The following ASB3 variants were observed in gnomAD, a reference collection of about 807,000 sequenced individuals.
ASB3 encodes the protein ankyrin repeat and SOCS box containing 3, also known as ankyrin repeat and SOCS box protein 3.
Under a neutral mutation model 54.5 loss-of-function variants are expected in ASB3, and 41 were observed. The observed-to-expected ratio is 0.75, with a 90% confidence interval of 0.59 to 0.98. The LOEUF (loss-of-function observed/expected upper bound fraction) is 0.98, where lower values mean the gene tolerates loss of function less well. Among genes scored for constraint, ASB3 ranks in the 50% least tolerant of loss-of-function variants. The pLI is 0.00. For synonymous variants in ASB3, 266 were observed against 221.2 expected (o/e 1.20, Z -1.80); for missense variants, 733 against 620.0 (o/e 1.18, Z -1.94).
At chr2:53,769,714 C>A (rs769660916) in intron 1 of ASB3, among the ~76,000 whole-genome samples, 1 of 152,156 alleles carries the variant, frequency 6.6e-6, no homozygotes, top group African/African-American at 2.4e-5. Flanking sequence ...GGCGTGGTGG[C>A]GCACGCCAGT....
chr2:53,678,156 T>C (rs1668183021), intron 9 of ASB3, among the ~76,000 whole-genome samples: 1 of 152,044 alleles, frequency 6.6e-6, no homozygotes, highest in African/African-American at 2.4e-5. Context: ...TGTGTGTGTG[T>C]GTGCATGTGT....
At chr2:53,735,418 A>C (rs1282856303) in intron 3 of ASB3, among the ~76,000 whole-genome samples, 1 of 152,064 alleles carries the variant, frequency 6.6e-6, no homozygotes, top group African/African-American at 2.4e-5. Context: ...TGGAGGCATA[A>C]ATTTAATAAA....
chr2:53,700,636 T>A, intron 7 of ASB3, 108 bp from the exon 8 acceptor site: 1 of 1,413,530 alleles, frequency 7.1e-7, no homozygotes, highest in South Asian at 1.5e-5. Context: ...GTATGGCAGA[T>A]TAAATAGTGG....
At chr2:53,737,546 T>C (rs988761501) in intron 3 of ASB3, among the ~76,000 whole-genome samples, 2 of 151,938 alleles carry the variant, frequency 1.3e-5, no homozygotes, top group Non-Finnish European at 2.9e-5. Context: ...ACAGAAATAA[T>C]TAGAAGTCAA....
At chr2:53,698,180 A>C (rs1472625982) in intron 8 of ASB3, among the ~76,000 whole-genome samples, 1 of 152,164 alleles carries the variant, frequency 6.6e-6, no homozygotes, top group African/African-American at 2.4e-5. Context: ...ACATGCCTAC[A>C]GAATTAGTAC....
At chr2:53,704,535 A>AAC (rs1669666846) in intron 7 of ASB3, among the ~76,000 whole-genome samples, 1 of 152,132 alleles carries the variant, frequency 6.6e-6, no homozygotes, top group Non-Finnish European at 1.5e-5. Flanking sequence ...AATAACCAAA[A>AAC]ACATATTTTT....
At chr2:53,756,618 A>C (rs1256408765) in intron 2 of ASB3, among the ~76,000 whole-genome samples, 1 of 152,014 alleles carries the variant, frequency 6.6e-6, no homozygotes, top group African/African-American at 2.4e-5. Context: ...TCCTTCAAGG[A>C]CCTAAAAGAA....
Position 53,750,938 on chromosome 2 carries a change from G to GA in ASB3, c.199dup (p.Ser67PhefsTer3), listed in dbSNP as rs768434575. 20 of 1,540,556 alleles carry GA rather than the reference G, an allele frequency of 1.3e-5. No individual in the cohort carries two copies. Among genetic ancestry groups the GA allele is most frequent in the Non-Finnish European group, 1.7e-5 (20 of 1,145,132 alleles). ...CTTCATCTTAATGTAGTTTTCAGATGAATCTGTGGAAGAATCAAAGCCCAT... is the reference window on the plus strand; with the variant it reads ...CTTCATCTTAATGTAGTTTTCAGATGAAATCTGTGGAAGAATCAAAGCCCAT... On this transcript the variant is annotated frameshift_variant, in exon 3 of 10. Transcript: ENST00000263634. LOFTEE classifies it high-confidence loss of function.
At chr2:53,782,585 T>C (rs540396959) in intron 1 of ASB3, among the ~76,000 whole-genome samples, 70 of 152,278 alleles carry the variant, frequency 4.6e-4, no homozygotes, top group South Asian at 1.0e-3. Flanking sequence ...AAACCACATC[T>C]ATTTTGTTGT....
At chr2:53,700,745 G>C (rs978458501) in intron 7 of ASB3, among the ~76,000 whole-genome samples, 1 of 151,732 alleles carries the variant, frequency 6.6e-6, no homozygotes. Context: ...ACTGTGAACA[G>C]GTATTATTAT....
intron 7 of ASB3, among the ~76,000 whole-genome samples, chr2:53,701,279 A>G (rs1482377899): frequency 6.6e-6 from 1 of 152,128 alleles, no homozygotes; most frequent in Non-Finnish European, 1.5e-5. Context: ...TAATGGTATT[A>G]AAAAAAATTT....
At chr2:53,771,919 G>T in intron 1 of ASB3, 1 of 1,566,180 alleles carries the variant, frequency 6.4e-7, no homozygotes. Context: ...TGGAAGAGTT[G>T]TGACTCTTGT....
chr2:53,698,809 T>C (rs907391190), intron 8 of ASB3, among the ~76,000 whole-genome samples: 7 of 152,240 alleles, frequency 4.6e-5, no homozygotes, highest in Non-Finnish European at 7.3e-5. Context: ...TCTCATCTTA[T>C]GAGCACTCAC....
At chr2:53,746,326 C>T (rs965628476) in intron 3 of ASB3, among the ~76,000 whole-genome samples, 2 of 152,032 alleles carry the variant, frequency 1.3e-5, no homozygotes, top group African/African-American at 4.8e-5. Context: ...GTGAGCAAGG[C>T]AGAGTGCTAA....
intron 7 of ASB3, among the ~76,000 whole-genome samples, chr2:53,703,991 T>C (rs539335807): frequency 7.2e-5 from 11 of 152,204 alleles, no homozygotes; most frequent in African/African-American, 2.7e-4. Flanking sequence ...CTAAGTTACC[T>C]GGTACCAGTA....
chr2:53,678,492 T>C (rs1435331931), intron 9 of ASB3, among the ~76,000 whole-genome samples: 1 of 152,184 alleles, frequency 6.6e-6, no homozygotes, highest in South Asian at 2.1e-4. Context: ...CTTGACCAAT[T>C]TGTGAGAAGT....
At chr2:53,702,520 T>C (rs1050886900) in intron 7 of ASB3, among the ~76,000 whole-genome samples, 3 of 152,176 alleles carry the variant, frequency 2.0e-5, no homozygotes, top group Non-Finnish European at 2.9e-5. Flanking sequence ...TAATATCAAA[T>C]TGAGAAAACT....
chr2:53,727,743 G>A (rs1671085096), intron 5 of ASB3, among the ~76,000 whole-genome samples: 1 of 151,210 alleles, frequency 6.6e-6, no homozygotes, highest in Non-Finnish European at 1.5e-5. Context: ...TTCTTTTTTT[G>A]GAGACAGAGT....
chr2:53,773,586 G>T (rs1485991194), intron 1 of ASB3, among the ~76,000 whole-genome samples: 2 of 151,968 alleles, frequency 1.3e-5, no homozygotes, highest in African/African-American at 4.8e-5. Flanking sequence ...GCCTGCCACT[G>T]TGCCTGACTA....
Sources: gnomAD v4.1 joint callset for allele counts (sites outside exome capture counted in the v4.1 genomes callset) on GRCh38, gnomAD v4.1.1 for gene constraint, MANE v1.5 for transcripts, NCBI Gene and HGNC (gene_info 2026-07-23, HGNC 2026-07-21) for gene names.